Variants in KIR2DL1 observed in about 807,000 individuals in gnomAD.
KIR2DL1 encodes killer cell immunoglobulin like receptor, two Ig domains and long cytoplasmic tail 1, also known as killer cell immunoglobulin-like receptor 2DL1.
KIR2DL1 carries 38 observed loss-of-function variants against 33.9 expected under a neutral mutation model. That is an observed-to-expected ratio of 1.12 (90% confidence interval 0.86 to 1.47). The LOEUF (loss-of-function observed/expected upper bound fraction) is 1.47. Among genes scored for constraint, KIR2DL1 ranks in the 40% most tolerant of loss-of-function variants. KIR2DL1 has a pLI of 0.00. For synonymous variants in KIR2DL1, 179 were observed against 165.9 expected (o/e 1.08, Z -0.61); for missense variants, 531 against 433.9 (o/e 1.22, Z -1.99).
At chr19:54,775,483 A>T in intron 4 of KIR2DL1, 25 bp downstream of exon 4, 9 of 1,569,414 alleles carry the variant, frequency 5.7e-6, no homozygotes, top group Non-Finnish European at 7.9e-6. Context: ...TGGCTGTCCC[A>T]TGTCCTATGA....
chr19:54,782,985 T>C lies in KIR2DL1; in HGVS notation c.779T>C (p.Leu260Pro), dbSNP rs2077201658. ...GTGGTCATCATCCTCTTCATCCTCC[T>C]CTTCTTTCTCCTTCATCGCTGGTGC... ...TSVVIILFIL[L>P]FFLLHRWCSN... The change falls in exon 6 of 8, where the codon CTC becomes CCC. Residue 260 changes from leucine to proline, a missense_variant. Coordinates refer to ENST00000336077, the MANE Select transcript of KIR2DL1 (RefSeq NM_014218.3). The C allele has an allele frequency of 6.2e-7, 1 of 1,613,756 alleles. No individual in the cohort carries two copies. The highest frequency in any genetic ancestry group is 8.5e-7 in the Non-Finnish European group (1 of 1,179,884).
At chr19:54,780,978 A>T (rs1600846917) in intron 5 of KIR2DL1, among the ~76,000 whole-genome samples, 1 of 98,526 alleles carries the variant, frequency 1.0e-5, no homozygotes, top group East Asian at 2.4e-4. Context: ...GTTCCAGACC[A>T]GCCTGGCCAA....
At chr19:54,774,887 A>G (rs1481281969) in intron 3 of KIR2DL1, among the ~76,000 whole-genome samples, 6 of 148,674 alleles carry the variant, frequency 4.0e-5, no homozygotes, top group African/African-American at 1.5e-4. Context: ...TCAGAATTAA[A>G]AAAAGTAACA....
intron 3 of KIR2DL1, among the ~76,000 whole-genome samples, chr19:54,774,034 C>T (rs1439040667): frequency 2.7e-5 from 4 of 148,606 alleles, no homozygotes; most frequent in Non-Finnish European, 4.5e-5. Flanking sequence ...TGAGTTGGGC[C>T]CTGTGGCCTC....
Position 54,769,921 on chromosome 19 carries a change from G to A in KIR2DL1, c.34+37G>A, listed in dbSNP as rs767335649. 1.9e-5 allele frequency: 30 copies of A among 1,553,960 alleles called. 3 individuals are homozygous for A. The highest frequency in any genetic ancestry group is 1.3e-5 in the Non-Finnish European group (15 of 1,133,990). On this transcript the variant is annotated intron_variant, in intron 1 of 7. Transcript: ENST00000336077. ...AAAGCAATAGAGGGAGGGAGTGAGG[G>A]GATGGAGATCTGGGCCCAGAGGTGG...
At chr19:54,773,245 C>T (rs2075957408) in intron 2 of KIR2DL1, 88 bp from the exon 3 acceptor site, 2 of 1,379,672 alleles carry the variant, frequency 1.4e-6, no homozygotes, top group Non-Finnish European at 2.0e-6. Context: ...AGATAAGACA[C>T]CAGGAAGGGG....
At chr19:54,776,094 G>T (rs1279861689) in intron 4 of KIR2DL1, among the ~76,000 whole-genome samples, 3 of 145,266 alleles carry the variant, frequency 2.1e-5, no homozygotes, top group African/African-American at 7.6e-5. Flanking sequence ...GTTTCACCAT[G>T]TTGGTCGAGC....
intron 5 of KIR2DL1, among the ~76,000 whole-genome samples, chr19:54,779,920 A>G (rs2076765546): frequency 7.5e-6 from 1 of 133,758 alleles, no homozygotes. Context: ...GTTTATTGAG[A>G]CAGAGTCGCC....
chr19:54,781,822 C>G (rs1424841925), intron 5 of KIR2DL1, among the ~76,000 whole-genome samples: 2 of 152,054 alleles, frequency 1.3e-5, no homozygotes, highest in African/African-American at 4.8e-5. Flanking sequence ...TTGGAGAATG[C>G]AAGTTGTTTG....
intron 3 of KIR2DL1, among the ~76,000 whole-genome samples, chr19:54,774,854 G>C (rs1202619246): frequency 3.4e-5 from 5 of 148,588 alleles, no homozygotes; most frequent in East Asian, 1.9e-4. Context: ...AGAAAGTTAT[G>C]AACAGGACAC....
intron 2 of KIR2DL1, 103 bp from the exon 3 acceptor site, chr19:54,773,230 G>C: frequency 7.8e-7 from 1 of 1,285,500 alleles, no homozygotes; most frequent in South Asian, 1.4e-5. Flanking sequence ...AGAGAGGAAG[G>C]AGAGAGATAA....
chr19:54,770,164 T>A (rs1369512453), intron 1 of KIR2DL1, among the ~76,000 whole-genome samples: 3 of 138,944 alleles, frequency 2.2e-5, no homozygotes, highest in Non-Finnish European at 4.7e-5. Flanking sequence ...GGAGGGGAGA[T>A]ATGGGCCTGG....
chr19:54,776,239 A>G (rs541267625), intron 4 of KIR2DL1, among the ~76,000 whole-genome samples: 1 of 135,094 alleles, frequency 7.4e-6, no homozygotes, highest in Admixed American at 7.2e-5. Flanking sequence ...ATACATTTTT[A>G]TATATATATA....
chr19:54,783,892 A>G lies in KIR2DL1; in HGVS notation c.*79A>G, dbSNP rs1414673101. 1 of 1,585,770 alleles carries G rather than the reference A, an allele frequency of 6.3e-7. No individual in the cohort carries two copies. On this transcript the variant is annotated 3_prime_UTR_variant, in exon 8 of 8. Coordinates refer to ENST00000336077, the MANE Select transcript of KIR2DL1 (RefSeq NM_014218.3). ...AAAACCGGGTTGCCAGCTCCCATGT[A>G]CCAGCAGCTGGAATCTGAAGGCGTG...
chr19:54,773,359 G>T lies in KIR2DL1; in HGVS notation c.97G>T (p.Ala33Ser). The T allele has an allele frequency of 6.3e-7, 1 of 1,599,208 alleles. No homozygotes were observed. The highest frequency in any genetic ancestry group is 8.5e-7 in the Non-Finnish European group (1 of 1,170,624). ...AGTCCACAGAAAACCTTCCCTCCTG[G>T]CCCACCCAGGTCGCCTGGTGAAATC... is the stretch of plus-strand genomic sequence containing the variant. ...EGVHRKPSLLAHPGRLVKSEE... is the reference protein window; with the variant it reads ...EGVHRKPSLLSHPGRLVKSEE... Residue 33 changes from alanine (A) to serine (S), a missense_variant, in exon 3 of 8, where the codon GCC becomes TCC. Ala to Ser is a moderately conservative substitution (Grantham distance 99). Transcript: ENST00000336077.
intron 2 of KIR2DL1, among the ~76,000 whole-genome samples, chr19:54,771,495 C>G (rs548463609): frequency 6.8e-6 from 1 of 147,384 alleles, no homozygotes; most frequent in South Asian, 2.1e-4. Context: ...TAGCCCTGGG[C>G]ACCAAGGTGT....
In KIR2DL1 at chr19:54,773,493, T is replaced by C. The variant is rs2075991809; in HGVS notation, c.231T>C (p.His77=). The C allele has an allele frequency of 1.9e-6, 3 of 1,585,180 alleles. No homozygotes were observed. The highest frequency in any genetic ancestry group is 8.6e-7 in the Non-Finnish European group (1 of 1,157,118). ...CTTTGCGCCTCATTGGAGAACACCATGATGGGGTCTCCAAGGCCAACTTCT... is the reference window on the plus strand; with the variant it reads ...CTTTGCGCCTCATTGGAGAACACCACGATGGGGTCTCCAAGGCCAACTTCT... ...NDTLRLIGEH[H]DGVSKANFSI... is the part of the protein sequence containing the mutation. The change falls in exon 3 of 8, where the codon CAT becomes CAC. Residue 77 remains histidine, a synonymous_variant. Transcript: ENST00000336077.
At chr19:54,776,691 G>C (rs1390869659) in intron 4 of KIR2DL1, among the ~76,000 whole-genome samples, 1 of 142,384 alleles carries the variant, frequency 7.0e-6, no homozygotes, top group Non-Finnish European at 1.5e-5. Flanking sequence ...CCAAGCTGGA[G>C]TCAAAGTGGT....
At chr19:54,782,874 G>T in intron 5 of KIR2DL1, 48 bp from the exon 6 acceptor site, 1 of 1,582,074 alleles carries the variant, frequency 6.3e-7, no homozygotes, top group Non-Finnish European at 8.7e-7. Context: ...AATTCATAAA[G>T]AGGAACTGCT....
Sources: gnomAD v4.1 joint callset for allele counts (sites outside exome capture counted in the v4.1 genomes callset) on GRCh38, gnomAD v4.1.1 for gene constraint, MANE v1.5 for transcripts, NCBI Gene and HGNC (gene_info 2026-07-23, HGNC 2026-07-21) for gene names.